Variants in TNNI3K observed in about 807,000 individuals in gnomAD.
TNNI3K encodes TNNI3 interacting kinase, also known as serine/threonine-protein kinase TNNI3K.
In TNNI3K, 140 loss-of-function variants were observed where a neutral mutation model predicts 114.5. That is an observed-to-expected ratio of 1.22 (90% CI 1.07 to 1.41). The LOEUF (loss-of-function observed/expected upper bound fraction) is 1.41. Ranked by LOEUF, TNNI3K falls within the 40% of genes most tolerant of loss-of-function variation. The pLI is 0.00. For missense variants in TNNI3K, 1,125 were observed against 1,007.6 expected (o/e 1.12, Z -1.58); for synonymous variants, 347 against 347.5 (o/e 1.00, Z 0.02).
At chr1:74,323,373 C>A (rs189674911) in intron 5 of TNNI3K, among the ~76,000 whole-genome samples, 1 of 152,032 alleles carries the variant, frequency 6.6e-6, no homozygotes. Context: ...CTTTAAAATG[C>A]GGCTATTAAT....
At chr1:74,398,982 C>A (rs771891744) in intron 17 of TNNI3K, among the ~76,000 whole-genome samples, 2 of 151,582 alleles carry the variant, frequency 1.3e-5, no homozygotes, top group Non-Finnish European at 1.5e-5. Flanking sequence ...TGGTTGAAAC[C>A]CCATCTCTAC....
At chr1:74,250,995 G>T (rs191629392) in intron 4 of TNNI3K, among the ~76,000 whole-genome samples, 2 of 152,054 alleles carry the variant, frequency 1.3e-5, no homozygotes, top group East Asian at 3.9e-4. Context: ...ATTCTCACAA[G>T]AACCCCATGA....
At chr1:74,507,309 T>C (rs770512066) in intron 23 of TNNI3K, among the ~76,000 whole-genome samples, 1 of 147,878 alleles carries the variant, frequency 6.8e-6, no homozygotes, top group Non-Finnish European at 1.5e-5. Context: ...CTGTAGGAAG[T>C]TGTCCTAAAT....
intron 21 of TNNI3K, among the ~76,000 whole-genome samples, chr1:74,465,678 C>T (rs567469311): frequency 8.6e-4 from 131 of 152,256 alleles, no homozygotes; most frequent in Admixed American, 2.0e-3. Context: ...GCTCTGCCCA[C>T]GGCCCTGGCC....
intron 23 of TNNI3K, among the ~76,000 whole-genome samples, chr1:74,520,337 G>A (rs899971472): frequency 2.6e-5 from 4 of 152,204 alleles, no homozygotes; most frequent in East Asian, 1.9e-4. Flanking sequence ...CCTCGCTTCC[G>A]ACTTTTCTGA....
intron 23 of TNNI3K, among the ~76,000 whole-genome samples, chr1:74,498,027 A>C (rs1242041432): frequency 6.6e-6 from 1 of 152,186 alleles, no homozygotes; most frequent in Non-Finnish European, 1.5e-5. Context: ...CAAGGACTAA[A>C]GAGATGCTAT....
intron 20 of TNNI3K, among the ~76,000 whole-genome samples, chr1:74,448,434 C>A (rs1666811486): frequency 6.8e-6 from 1 of 146,890 alleles, no homozygotes; most frequent in Admixed American, 6.7e-5. Context: ...TTCCTCTTTT[C>A]CTAATTGAAT....
chr1:74,458,650 T>C (rs769515213), intron 20 of TNNI3K, among the ~76,000 whole-genome samples: 11 of 152,232 alleles, frequency 7.2e-5, no homozygotes, highest in Non-Finnish European at 1.3e-4. Flanking sequence ...TTTATTGCTG[T>C]TAAGCTATCA....
At chr1:74,485,378 C>T (rs1345985216) in intron 21 of TNNI3K, among the ~76,000 whole-genome samples, 3 of 152,108 alleles carry the variant, frequency 2.0e-5, no homozygotes, top group African/African-American at 4.8e-5. Flanking sequence ...GCCGGTTAGT[C>T]GGCCTCATGG....
chr1:74,471,366 T>C, intron 21 of TNNI3K: 2 of 400,724 alleles, frequency 5.0e-6, no homozygotes, highest in South Asian at 2.5e-4. Context: ...AAGTTTTGGA[T>C]AATTTCTTAG....
At chr1:74,436,196 A>G (rs1490503030) in intron 18 of TNNI3K, 64 bp downstream of exon 18, 3 of 1,587,414 alleles carry the variant, frequency 1.9e-6, no homozygotes, top group Non-Finnish European at 2.6e-6. Flanking sequence ...ATGGTGCCTG[A>G]TATTGTACCA....
intron 4 of TNNI3K, among the ~76,000 whole-genome samples, chr1:74,253,938 C>T (rs1272429988): frequency 1.3e-5 from 2 of 152,216 alleles, no homozygotes; most frequent in Non-Finnish European, 2.9e-5. Flanking sequence ...AGGCATTAAA[C>T]CTAGTAACCA....
At chr1:74,502,588 A>G (rs1669687829) in intron 23 of TNNI3K, among the ~76,000 whole-genome samples, 1 of 152,218 alleles carries the variant, frequency 6.6e-6, no homozygotes, top group Non-Finnish European at 1.5e-5. Flanking sequence ...TTTGAAGAGA[A>G]TCAGCAGGGA....
intron 21 of TNNI3K, among the ~76,000 whole-genome samples, chr1:74,476,619 TAATGA>T (rs1212675982): frequency 1.1e-4 from 17 of 152,156 alleles, no homozygotes; most frequent in Non-Finnish European, 2.5e-4. Flanking sequence ...TGAATTCTGA[TAATGA>T]AATCATTGGT....
intron 11 of TNNI3K, among the ~76,000 whole-genome samples, chr1:74,360,825 T>G (rs577299626): frequency 2.0e-5 from 3 of 152,112 alleles, no homozygotes; most frequent in East Asian, 3.9e-4. Context: ...CATCTCTTTC[T>G]CTGTGTTTAC....
intron 5 of TNNI3K, among the ~76,000 whole-genome samples, chr1:74,310,142 A>T (rs1658900978): frequency 6.6e-6 from 1 of 152,210 alleles, no homozygotes; most frequent in Admixed American, 6.5e-5. Flanking sequence ...TACAAAAATC[A>T]GTAGCACTTC....
Position 74,236,087 on chromosome 1 carries a change from GTTC to G in TNNI3K, c.41-9_41-7del. 13 of 1,595,814 alleles carry G rather than the reference GTTC, an allele frequency of 8.1e-6. No homozygotes were observed. The highest frequency in any genetic ancestry group is 1.0e-5 in the Non-Finnish European group (12 of 1,169,278). Reference sequence around the variant, plus strand: ...ACACAACTATGAATCAATCTCATTTGTTCTTCTTTACTAGATGAATGGAAGAAA... The same window carrying G: ...ACACAACTATGAATCAATCTCATTTGTTCTTTACTAGATGAATGGAAGAAA... On this transcript the variant is annotated splice_polypyrimidine_tract_variant and intron_variant, in intron 1 of 24. Transcript: ENST00000326637.
intron 20 of TNNI3K, among the ~76,000 whole-genome samples, chr1:74,448,465 G>A (rs920214827): frequency 2.1e-5 from 3 of 144,874 alleles, no homozygotes; most frequent in Admixed American, 6.8e-5. Context: ...TCCTTCTCCT[G>A]CCTAATTGCC....
intron 5 of TNNI3K, among the ~76,000 whole-genome samples, chr1:74,278,438 A>G (rs1291809171): frequency 6.6e-6 from 1 of 152,184 alleles, no homozygotes. Context: ...GACATGATAC[A>G]CAGAAGCTTA....
Sources: gnomAD v4.1 joint callset for allele counts (sites outside exome capture counted in the v4.1 genomes callset) on GRCh38, gnomAD v4.1.1 for gene constraint, MANE v1.5 for transcripts, NCBI Gene and HGNC (gene_info 2026-07-23, HGNC 2026-07-21) for gene names.